The following DGLUCY variants were observed in gnomAD, a reference collection of about 807,000 sequenced individuals.
The protein encoded by DGLUCY is D-glutamate cyclase.
DGLUCY carries 58 observed loss-of-function variants against 58.5 expected under a neutral mutation model. The ratio of observed to expected loss-of-function variants is 0.99; its 90% confidence interval spans 0.80 to 1.23. The LOEUF (loss-of-function observed/expected upper bound fraction) is 1.23. Among genes scored for constraint, DGLUCY ranks in the 50% most tolerant of loss-of-function variants. The pLI, the probability that DGLUCY is intolerant of heterozygous loss-of-function variation, is 0.00. For missense variants in DGLUCY, 779 were observed against 784.7 expected (o/e 0.99, Z 0.09); for synonymous variants, 325 against 314.1 (o/e 1.03, Z -0.37).
At chr14:91,127,398 A>G (rs2045768104) in intron 1 of DGLUCY, among the ~76,000 whole-genome samples, 1 of 152,212 alleles carries the variant, frequency 6.6e-6, no homozygotes, top group Non-Finnish European at 1.5e-5. Flanking sequence ...AACTGGAGCT[A>G]GAAACTCAAG....
rs151218102 is a variant in DGLUCY at position 91,099,621 on chromosome 14, C to G, written c.-82+38917C>G. On this transcript the variant is annotated intron_variant, in intron 1 of 4. Coordinates refer to the DGLUCY transcript ENST00000521334. ...GATCTGTTCCCTTAGGTGAATATCA[C>G]CATAGAATGAGAATTATTCCCACTC... is the stretch of plus-strand genomic sequence containing the variant. Among the ~76,000 whole-genome samples the G allele has an allele frequency of 1.8e-3, 275 of 152,192 alleles. 2 individuals are homozygous for G. Among genetic ancestry groups the G allele is most frequent in the African/African-American group, 6.4e-3 (264 of 41,522 alleles).
intron 1 of DGLUCY, among the ~76,000 whole-genome samples, chr14:91,119,123 A>G (rs1041425956): frequency 3.3e-5 from 5 of 152,192 alleles, no homozygotes; most frequent in Admixed American, 1.3e-4. Flanking sequence ...CCTCTTTCAC[A>G]TAATAGCTAA....
chr14:91,120,407 T>C (rs2045277212), intron 1 of DGLUCY, among the ~76,000 whole-genome samples: 1 of 152,082 alleles, frequency 6.6e-6, no homozygotes, highest in African/African-American at 2.4e-5. Context: ...ATAATTATTA[T>C]TATTATTGTT....
intron 6 of DGLUCY, among the ~76,000 whole-genome samples, chr14:91,174,480 A>G (rs1293494461): frequency 6.6e-6 from 1 of 151,798 alleles, no homozygotes; most frequent in Non-Finnish European, 1.5e-5. Flanking sequence ...TAATTTTTGT[A>G]TTTTTAGTAG....
chr14:91,164,568 G>A (rs1042021599), intron 3 of DGLUCY, among the ~76,000 whole-genome samples: 7 of 152,212 alleles, frequency 4.6e-5, no homozygotes, highest in African/African-American at 7.2e-5. Context: ...CAGTAACGCC[G>A]TCATTCTTGC....
intron 1 of DGLUCY, among the ~76,000 whole-genome samples, chr14:91,134,524 G>T (rs2046214862): frequency 6.6e-6 from 1 of 151,196 alleles, no homozygotes; most frequent in African/African-American, 2.4e-5. Context: ...TGCAACCTTG[G>T]CTTCCCAGGT....
rs1212131704 is a variant in DGLUCY at position 91,215,396 on chromosome 14, C to T, written c.1565-9C>T. ...AACTCCATGATGGAATCTTGTTTTG[C>T]TGTTCTAGGTGTTTCTAACTGGGGA... On this transcript the variant is annotated splice_polypyrimidine_tract_variant and intron_variant, in intron 12 of 13. Transcript: ENST00000256324. 1 of 1,586,388 alleles carries T rather than the reference C, an allele frequency of 6.3e-7. No homozygotes were observed. The highest frequency in any genetic ancestry group is 2.3e-5 in the East Asian group (1 of 44,344).
At chr14:91,190,202 T>C (rs1021421206) in intron 9 of DGLUCY, among the ~76,000 whole-genome samples, 2 of 151,766 alleles carry the variant, frequency 1.3e-5, no homozygotes, top group Admixed American at 1.3e-4. Context: ...TTAGCCAGGA[T>C]GGTCTCGATC....
At chr14:91,156,482 G>A (rs2047629328) in intron 1 of DGLUCY, among the ~76,000 whole-genome samples, 1 of 152,300 alleles carries the variant, frequency 6.6e-6, no homozygotes, top group East Asian at 1.9e-4. Flanking sequence ...CACATCTGTA[G>A]GATACAGTCC....
intron 2 of DGLUCY, among the ~76,000 whole-genome samples, chr14:91,158,182 A>T (rs1270073005): frequency 6.6e-6 from 1 of 152,228 alleles, no homozygotes; most frequent in Non-Finnish European, 1.5e-5. Flanking sequence ...CTGGTAGCTC[A>T]GTTGCTTGGC....
chr14:91,171,430 G>A (rs2048569278), intron 5 of DGLUCY, among the ~76,000 whole-genome samples: 1 of 152,144 alleles, frequency 6.6e-6, no homozygotes, highest in South Asian at 2.1e-4. Context: ...GTCTAATATC[G>A]ACACCTCTGC....
At chr14:91,186,542 A>C (rs565407923) in intron 8 of DGLUCY, among the ~76,000 whole-genome samples, 1 of 152,074 alleles carries the variant, frequency 6.6e-6, no homozygotes, top group East Asian at 1.9e-4. Flanking sequence ...GGGATTACAG[A>C]TGTGAGTCAC....
At chr14:91,211,097 T>C (rs1157181423) in intron 12 of DGLUCY, among the ~76,000 whole-genome samples, 1 of 152,218 alleles carries the variant, frequency 6.6e-6, no homozygotes. Context: ...CATTACCATT[T>C]ACATTAATTC....
At chr14:91,108,933 C>G (rs1417840874) in intron 1 of DGLUCY, among the ~76,000 whole-genome samples, 1 of 152,078 alleles carries the variant, frequency 6.6e-6, no homozygotes, top group South Asian at 2.1e-4. Context: ...GACCGGAGAG[C>G]AAGGACCTGT....
At chr14:91,106,903 A>T (rs2044602149), upstream of DGLUCY, among the ~76,000 whole-genome samples, 1 of 152,190 alleles carries the variant, frequency 6.6e-6, no homozygotes, top group Admixed American at 6.6e-5. Flanking sequence ...CTATTTTTTG[A>T]CAGCTTTATT....
chr14:91,094,121 C>T (rs926283070), intron 1 of DGLUCY, among the ~76,000 whole-genome samples: 1 of 152,036 alleles, frequency 6.6e-6, no homozygotes, highest in Non-Finnish European at 1.5e-5. Context: ...CATTTTACCA[C>T]AATTTACAAC....
At chr14:91,212,657 G>A (rs1446723963) in intron 12 of DGLUCY, among the ~76,000 whole-genome samples, 1 of 151,866 alleles carries the variant, frequency 6.6e-6, no homozygotes, top group Non-Finnish European at 1.5e-5. Context: ...AGCTATGATT[G>A]CGCCACTGCA....
intron 1 of DGLUCY, among the ~76,000 whole-genome samples, chr14:91,078,062 T>G (rs949958774): frequency 3.9e-5 from 6 of 152,204 alleles, no homozygotes; most frequent in African/African-American, 1.4e-4. Flanking sequence ...AGACAGCTGC[T>G]CTGTCGCCCA....
chr14:91,189,524 A>G (rs540349100), intron 9 of DGLUCY, among the ~76,000 whole-genome samples: 15 of 152,290 alleles, frequency 9.8e-5, no homozygotes, highest in South Asian at 2.1e-4. Flanking sequence ...GTAGTGGAGT[A>G]TGAAGTGGCT....
Sources: allele counts gnomAD v4.1 joint callset (sites outside exome capture counted in the v4.1 genomes callset), GRCh38; gene constraint gnomAD v4.1.1; transcripts MANE v1.5; gene names NCBI Gene and HGNC (gene_info 2026-07-23, HGNC 2026-07-21).